The following KCNS3 variants were observed in gnomAD, a reference collection of about 807,000 sequenced individuals.
The protein encoded by KCNS3 is delayed-rectifier potassium channel regulatory subunit KCNS3.
A neutral mutation model predicts 31.0 loss-of-function variants in KCNS3; 13 were observed. That is an observed-to-expected ratio of 0.42 (90% CI 0.27 to 0.67). The LOEUF is 0.67. Ranked by LOEUF, KCNS3 falls within the 30% of genes least tolerant of loss-of-function variation. The pLI, the probability that KCNS3 is intolerant of heterozygous loss-of-function variation, is 0.25. For synonymous variants in KCNS3, 238 were observed against 241.5 expected, an observed-to-expected ratio of 0.99 and a Z score of 0.13; for missense variants, 545 against 622.4, an observed-to-expected ratio of 0.88 and a Z score of 1.32.
intron 1 of KCNS3, among the ~76,000 whole-genome samples, chr2:17,886,583 T>C: frequency 6.6e-6 from 1 of 152,160 alleles, no homozygotes; most frequent in East Asian, 1.9e-4. Flanking sequence ...AGGCTTGAGC[T>C]TCCATGACAG....
chr2:17,878,264 C>A (rs1298176714), upstream of KCNS3, among the ~76,000 whole-genome samples: 3 of 152,098 alleles, frequency 2.0e-5, no homozygotes, highest in Non-Finnish European at 4.4e-5. Flanking sequence ...GTTGCCCCAG[C>A]CGCCGGGGCC....
intron 1 of KCNS3, among the ~76,000 whole-genome samples, chr2:17,905,119 A>T (rs1191603564): frequency 3.9e-5 from 6 of 152,032 alleles, no homozygotes; most frequent in Non-Finnish European, 8.8e-5. Context: ...ATTTGTTTGT[A>T]TCCTCTTTTA....
chr2:17,915,009 A>G (rs1370833367), intron 1 of KCNS3, among the ~76,000 whole-genome samples: 1 of 152,164 alleles, frequency 6.6e-6, no homozygotes, highest in Admixed American at 6.5e-5. Flanking sequence ...GGGTGTCAGG[A>G]GTCTGGAAGA....
rs755557163 is a variant in KCNS3 at position 17,931,242 on chromosome 2, T to C, written c.234T>C (p.Tyr78=). 2.0e-5 allele frequency: 32 copies of C among 1,613,994 alleles called. No individual in the cohort carries two copies. In the Admixed American group the frequency reaches 2.5e-4, roughly 13 times the overall value. ...YFDRNPSLFR[Y]VLNFYYTGKL... ...ATCGGAATCCCTCCTTGTTCAGATATGTTTTGAATTTTTATTACACGGGGA... is the reference window on the plus strand; with the variant it reads ...ATCGGAATCCCTCCTTGTTCAGATACGTTTTGAATTTTTATTACACGGGGA... Residue 78 remains tyrosine, a synonymous_variant, in exon 3 of 3, where the codon TAT becomes TAC. Transcript: ENST00000304101. This position sits in a 1 kb window ranked among gnomAD's most constrained non-coding sequence, Gnocchi z 5.4.
intron 1 of KCNS3, among the ~76,000 whole-genome samples, chr2:17,887,484 G>GATCGATCGATCT (rs1553341246): frequency 3.4e-5 from 5 of 146,242 alleles, no homozygotes; most frequent in African/African-American, 7.7e-5. Flanking sequence ...TCTATCATAT[G>GATCGATCGATCT]ATCTATCTAT....
chr2:17,906,983 T>G (rs1662334605), intron 1 of KCNS3, among the ~76,000 whole-genome samples: 1 of 152,224 alleles, frequency 6.6e-6, no homozygotes, highest in South Asian at 2.1e-4. Flanking sequence ...GTCTGCTTGG[T>G]GCAGAGCTGA....
intron 1 of KCNS3, among the ~76,000 whole-genome samples, chr2:17,898,516 A>G (rs540242806): frequency 1.5e-4 from 23 of 152,132 alleles, no homozygotes; most frequent in Non-Finnish European, 2.6e-4. Flanking sequence ...CTTTGGTTCT[A>G]GGAGCTTCAC....
At chr2:17,913,119 G>A (rs1282278000) in intron 1 of KCNS3, among the ~76,000 whole-genome samples, 1 of 87,038 alleles carries the variant, frequency 1.1e-5, no homozygotes, top group Non-Finnish European at 2.3e-5. Context: ...GTATGATTAT[G>A]ATATTTTAAT....
intron 1 of KCNS3, among the ~76,000 whole-genome samples, chr2:17,905,272 G>T (rs1662287732): frequency 6.6e-6 from 1 of 152,078 alleles, no homozygotes; most frequent in Non-Finnish European, 1.5e-5. Flanking sequence ...GTCTGTTATT[G>T]GTGTATAAGA....
At chr2:17,880,081 T>G (rs928140402) in intron 1 of KCNS3, among the ~76,000 whole-genome samples, 1 of 152,216 alleles carries the variant, frequency 6.6e-6, no homozygotes, top group Non-Finnish European at 1.5e-5. Flanking sequence ...CTTGGAACTG[T>G]GTAAGTCACT....
chr2:17,895,818 T>G (rs1023730491), intron 1 of KCNS3, among the ~76,000 whole-genome samples: 2 of 152,064 alleles, frequency 1.3e-5, no homozygotes, highest in African/African-American at 4.8e-5. Context: ...AAAGGACACT[T>G]CAATCAGAGA....
At chr2:17,905,750 T>C (rs1228362427) in intron 1 of KCNS3, among the ~76,000 whole-genome samples, 2 of 152,250 alleles carry the variant, frequency 1.3e-5, no homozygotes, top group African/African-American at 4.8e-5. Flanking sequence ...TCTGTTTATA[T>C]GCTGGATTAC....
intron 1 of KCNS3, among the ~76,000 whole-genome samples, chr2:17,906,394 A>G (rs1235126294): frequency 6.6e-6 from 1 of 151,828 alleles, no homozygotes; most frequent in Non-Finnish European, 1.5e-5. Flanking sequence ...TATTTTGTTG[A>G]TCTTTTCAAA....
chr2:17,893,681 C>T (rs59241776), intron 1 of KCNS3, among the ~76,000 whole-genome samples: 8,168 of 152,200 alleles, frequency 0.054, 532 homozygotes, highest in African/African-American at 0.16. Context: ...GCAAACAGAC[C>T]TTCAGCTTCT....
intron 1 of KCNS3, among the ~76,000 whole-genome samples, chr2:17,914,757 G>T (rs1662550525): frequency 1.3e-5 from 2 of 152,184 alleles, no homozygotes; most frequent in South Asian, 4.1e-4. Flanking sequence ...CATTTCAGAA[G>T]ATTGTGGGCA....
At chr2:17,921,901 A>G (rs1467494288) in intron 2 of KCNS3, among the ~76,000 whole-genome samples, 22 of 74,106 alleles carry the variant, frequency 3.0e-4, no homozygotes, top group African/African-American at 9.6e-4. Context: ...TTTCATATAT[A>G]TGTGTGTGTG....
intron 1 of KCNS3, among the ~76,000 whole-genome samples, chr2:17,901,600 A>T (rs576017671): frequency 6.6e-6 from 1 of 152,148 alleles, no homozygotes; most frequent in Non-Finnish European, 1.5e-5. Flanking sequence ...TGGGCTGGAG[A>T]TGCACATCTG....
chr2:17,915,419 C>G (rs1426764301), intron 1 of KCNS3, among the ~76,000 whole-genome samples: 1 of 152,112 alleles, frequency 6.6e-6, no homozygotes, highest in South Asian at 2.1e-4. Context: ...TTTTTCTTCC[C>G]CAAAGCCTAC....
chr2:17,887,927 ATGT>A (rs1661720795), intron 1 of KCNS3, among the ~76,000 whole-genome samples: 1 of 151,878 alleles, frequency 6.6e-6, no homozygotes, highest in Non-Finnish European at 1.5e-5. Context: ...ATCATTAGCG[ATGT>A]TGTGCATTTT....
Sources: allele counts gnomAD v4.1 joint callset (sites outside exome capture counted in the v4.1 genomes callset), GRCh38; gene constraint gnomAD v4.1.1; non-coding constraint Gnocchi (gnomAD v3.1); transcripts MANE v1.5; gene names NCBI Gene and HGNC (gene_info 2026-07-23, HGNC 2026-07-21).